The following HMCN2 variants were observed in gnomAD, a reference collection of about 807,000 sequenced individuals.
The protein encoded by HMCN2 is hemicentin 2.
HMCN2 carries 325 observed loss-of-function variants against 377.5 expected under a neutral mutation model. The observed-to-expected ratio is 0.86, with a 90% CI of 0.79 to 0.94. The LOEUF (loss-of-function observed/expected upper bound fraction) is 0.94, where lower values mean the gene tolerates loss of function less well. Ranked by LOEUF, HMCN2 falls within the 40% of genes least tolerant of loss-of-function variation. The pLI, the probability that HMCN2 is intolerant of heterozygous loss-of-function variation, is 0.00. For missense variants in HMCN2, 4,543 were observed against 4,725.3 expected, an observed-to-expected ratio of 0.96 and a Z score of 1.13; for synonymous variants, 2,007 against 2,046.8, an observed-to-expected ratio of 0.98 and a Z score of 0.53.
rs372311313 is a variant in HMCN2 at position 130,299,805 on chromosome 9, AT to A, written c.1276+519del. On this transcript the variant is annotated intron_variant, in intron 8 of 97. Coordinates refer to ENST00000683500, the MANE Select transcript of HMCN2 (RefSeq NM_001291815.2). ...CATTCATCCACTCATCCACCCATCC[AT>A]TCATGCATGCATTGACTCACCTATT... Among the ~76,000 whole-genome samples the A allele has an allele frequency of 2.9e-3, 425 of 147,562 alleles. 4 individuals carry two copies. Among genetic ancestry groups the A allele is most frequent in the African/African-American group, 0.01 (397 of 39,122 alleles).
intron 31 of HMCN2, among the ~76,000 whole-genome samples, chr9:130,354,456 T>C (rs1484033565): frequency 6.6e-6 from 1 of 152,180 alleles, no homozygotes; most frequent in Non-Finnish European, 1.5e-5. Flanking sequence ...CTGGACCTGC[T>C]GTGTATAGGC....
At chr9:130,309,821 C>A (rs77725894) in intron 14 of HMCN2, 91 bp from the exon 15 acceptor site, 4,541 of 352,534 alleles carry the variant, frequency 0.013, 190 homozygotes, top group African/African-American at 0.091. Context: ...CCTTGTGCAG[C>A]CGCAGGAGCC....
intron 15 of HMCN2, among the ~76,000 whole-genome samples, chr9:130,315,890 G>A (rs921464343): frequency 0.021 from 3,211 of 152,158 alleles, 44 homozygotes; most frequent in Middle Eastern, 0.054. Flanking sequence ...CCATGGTAGG[G>A]GCCTCACTCT....
intron 86 of HMCN2, among the ~76,000 whole-genome samples, chr9:130,420,470 A>G (rs1427581048): frequency 6.6e-6 from 1 of 152,116 alleles, no homozygotes; most frequent in African/African-American, 2.4e-5. Context: ...CTACTGGTAA[A>G]AAAACAAAAC....
rs1841250839 is a variant in HMCN2 at position 130,374,200 on chromosome 9, T to G, written c.7439-302T>G. Among the ~76,000 whole-genome samples, 2 of 146,430 alleles carry G rather than the reference T, an allele frequency of 1.4e-5. 1 individual carries two copies. Among genetic ancestry groups the G allele is most frequent in the South Asian group, 4.6e-4 (2 of 4,346 alleles). On this transcript the variant is annotated intron_variant, in intron 48 of 97. Coordinates refer to ENST00000683500, the MANE Select transcript of HMCN2 (RefSeq NM_001291815.2). The stretch of plus-strand genomic sequence containing the variant: ...GTAGGTAGATGAATGGATGGTTGGA[T>G]GGATGGATGGATTGGTGGGTGGTGT...
At position 130,325,985 on chromosome 9, in the gene HMCN2, C is replaced by T. The variant is rs2131417818; in HGVS notation, c.3193+15C>T. The T allele has an allele frequency of 6.6e-6, 1 of 152,450 alleles. No homozygotes were observed. The highest frequency in any genetic ancestry group is 1.9e-4 in the East Asian group (1 of 5,182). 9.4% of individuals were successfully genotyped at this position (152,450 alleles called of 1,614,324 possible). Reference sequence around the variant, plus strand: ...TTCTGTCAACAGTGAGTGATGCCAACCCTGTCCTGGGAGAGGGGGCTCAGT... The same window carrying T: ...TTCTGTCAACAGTGAGTGATGCCAATCCTGTCCTGGGAGAGGGGGCTCAGT... On this transcript the variant is annotated intron_variant, in intron 21 of 97. Transcript: ENST00000683500.
intron 31 of HMCN2, among the ~76,000 whole-genome samples, chr9:130,353,526 A>C (rs1031747212): frequency 1.2e-4 from 18 of 152,176 alleles, no homozygotes; most frequent in African/African-American, 3.9e-4. Context: ...CACCACAATA[A>C]TTAACTGCCC....
chr9:130,424,823 G>A lies in HMCN2; in HGVS notation c.13429G>A (p.Ala4477Thr). 3 of 1,527,156 alleles carry A rather than the reference G, an allele frequency of 2.0e-6. No homozygotes were observed. The highest frequency in any genetic ancestry group is 2.6e-6 in the Non-Finnish European group (3 of 1,133,994). The allele number at this position is 1,527,156 out of a possible 1,614,324, so 94.6% of individuals were successfully genotyped here. The change falls in exon 88 of 98, where the codon GCC (alanine) becomes ACC (threonine). Residue 4477 changes from alanine (A) to threonine (T), a missense_variant. Ala to Thr is a moderately conservative substitution (Grantham distance 58). Around this residue, in one of 5 missense-constraint regions of HMCN2, gnomAD observed 1,155 missense variants for 1,157.7 expected, o/e 1.00. Transcript: ENST00000683500. Reference sequence around the variant, plus strand: ...GGTCACCATCGCCCCCATCTACTGGGCCCTGGCCAGAGAGAGTGGGGAAGC... The same window carrying A: ...GGTCACCATCGCCCCCATCTACTGGACCCTGGCCAGAGAGAGTGGGGAAGC... Reference protein sequence around the residue: ...LVVTIAPIYWALARESGEALN... With the variant: ...LVVTIAPIYWTLARESGEALN...
At position 130,427,583 on chromosome 9, in the gene HMCN2, G is replaced by C; in HGVS notation, c.14029G>C (p.Gly4677Arg). The C allele has an allele frequency of 1.3e-6, 2 of 1,550,498 alleles. No individual in the cohort carries two copies. The highest frequency in any genetic ancestry group is 1.7e-6 in the Non-Finnish European group (2 of 1,146,984). The change falls in exon 92 of 98, where the codon GGC (glycine) becomes CGC (arginine). Residue 4677 changes from glycine to arginine, a missense_variant. Transcript: ENST00000683500. ...CCGCTTCTCCTGCACCTGCCCCACTGGCTTCGCCCTGGCCTGGGATGACAG... is the reference window on the plus strand; with the variant it reads ...CCGCTTCTCCTGCACCTGCCCCACTCGCTTCGCCCTGGCCTGGGATGACAG... Reference protein sequence around the residue: ...PGRFSCTCPTGFALAWDDRNC... With the variant: ...PGRFSCTCPTRFALAWDDRNC...
In HMCN2 at chr9:130,358,564, T is replaced by C. The variant is rs1461857089; in HGVS notation, c.5677+78T>C. ...TGGGGACCCTTGGGGCTGAAGTGTGTGGCGAGGGAGGGGGAGGAGGTTTTT... is the reference window on the plus strand; with the variant it reads ...TGGGGACCCTTGGGGCTGAAGTGTGCGGCGAGGGAGGGGGAGGAGGTTTTT... On this transcript the variant is annotated intron_variant, in intron 36 of 97. Coordinates refer to ENST00000683500, the MANE Select transcript of HMCN2 (RefSeq NM_001291815.2). 5.5e-6 allele frequency: 7 copies of C among 1,265,040 alleles called. No homozygotes were observed. In the Admixed American group the frequency reaches 1.2e-4, roughly 21 times the overall value. 78.4% of individuals were successfully genotyped at this position (1,265,040 alleles called of 1,614,324 possible). A position where few individuals can be genotyped will look rare whatever the true frequency, so the allele number is the denominator to read the frequency against.
intron 4 of HMCN2, among the ~76,000 whole-genome samples, 165 bp from the exon 5 acceptor site, chr9:130,294,690 A>T (rs1487325466): frequency 6.6e-6 from 1 of 152,192 alleles, no homozygotes; most frequent in Non-Finnish European, 1.5e-5. Context: ...CTTGGAGCCT[A>T]TGGAAGCCAG....
At chr9:130,367,873 CAG>C (rs1840778403) in intron 43 of HMCN2, among the ~76,000 whole-genome samples, 1 of 142,454 alleles carries the variant, frequency 7.0e-6, no homozygotes, top group Admixed American at 7.6e-5. Flanking sequence ...ACCCAGGAGG[CAG>C]AGGTTGCAGT....
At chr9:130,289,586 G>A (rs1322311493) in intron 4 of HMCN2, among the ~76,000 whole-genome samples, 3 of 152,118 alleles carry the variant, frequency 2.0e-5, no homozygotes, top group Non-Finnish European at 4.4e-5. Context: ...TTGGGTTAAC[G>A]AGAGCCCCTA....
intron 74 of HMCN2, among the ~76,000 whole-genome samples, chr9:130,398,141 A>G (rs1018541152): frequency 1.5e-5 from 2 of 134,054 alleles, no homozygotes; most frequent in African/African-American, 6.3e-5. Context: ...TGACAGAGTA[A>G]GACTCCGTCT....
rs1236656084 is a variant in HMCN2 at position 130,400,765 on chromosome 9, C to T, written c.11606-18C>T. On this transcript the variant is annotated intron_variant, in intron 76 of 97. Transcript: ENST00000683500. ...CTGTGCCCGCCGGCAGGGCCTCAAG[C>T]CTTGTCTTGGGTTTTAGTGCCTCCC... The T allele has an allele frequency of 7.8e-7, 1 of 1,277,224 alleles. No homozygotes were observed. The highest frequency in any genetic ancestry group is 1.0e-6 in the Non-Finnish European group (1 of 982,136). The allele number at this position is 1,277,224 out of a possible 1,614,324, so 79.1% of individuals were successfully genotyped here.
At chr9:130,335,961 T>C (rs1221806703) in intron 22 of HMCN2, among the ~76,000 whole-genome samples, 1 of 152,206 alleles carries the variant, frequency 6.6e-6, no homozygotes, top group African/African-American at 2.4e-5. Context: ...GGCCTGAGAA[T>C]CAGCATGTTT....
rs1438901296 is a variant in HMCN2 at position 130,361,981 on chromosome 9, G to A, written c.5951-27G>A. 6 of 985,876 alleles carry A rather than the reference G, an allele frequency of 6.1e-6. No individual in the cohort carries two copies. The highest frequency in any genetic ancestry group is 9.4e-5 in the South Asian group (2 of 21,296). 61.1% of individuals were successfully genotyped at this position (985,876 alleles called of 1,614,324 possible). ...GCTTTGCCCCAGTGGGGCTCAGCCT[G>A]TACCCCATGTCACCCCTGCCCTGCA... On this transcript the variant is annotated intron_variant, in intron 38 of 97. Coordinates refer to ENST00000683500, the MANE Select transcript of HMCN2 (RefSeq NM_001291815.2). This position sits in a 1 kb window ranked among gnomAD's most constrained non-coding sequence, Gnocchi z 4.8.
At chr9:130,395,133 G>GGGGGGGGGGGGGGGGGC in intron 70 of HMCN2, 25 bp downstream of exon 70, 6 of 453,566 alleles carry the variant, frequency 1.3e-5, no homozygotes, top group South Asian at 1.7e-5. Context: ...TGGGGTGGGG[G>GGGGGGGGGGGGGGGGGC]CAGGGCCGGG....
rs747596764 is a variant in HMCN2 at position 130,365,926 on chromosome 9, G to A, written c.6556G>A (p.Gly2186Arg). The A allele has an allele frequency of 9.1e-6, 9 of 985,756 alleles. No individual in the cohort carries two copies. Among genetic ancestry groups the A allele is most frequent in the Non-Finnish European group, 9.6e-6 (8 of 829,860 alleles). 61.1% of individuals were successfully genotyped at this position (985,756 alleles called of 1,614,324 possible). ...ATCCCACACCCTGACTGTGAGAGAG[G>A]GGCACCCTACCAGGCTGTCCTGCGA... Reference protein sequence around the residue: ...RESHTLTVREGHPTRLSCECR... With the variant: ...RESHTLTVRERHPTRLSCECR... Residue 2186 changes from glycine (G) to arginine (R), a missense_variant, in exon 43 of 98, where the codon GGG becomes AGG. By Grantham distance (125) the Gly-to-Arg change is moderately radical. Coordinates refer to ENST00000683500, the MANE Select transcript of HMCN2 (RefSeq NM_001291815.2).
Sources: allele counts gnomAD v4.1 joint callset (sites outside exome capture counted in the v4.1 genomes callset), GRCh38; gene constraint gnomAD v4.1.1; regional missense constraint gnomAD v4.1.1; non-coding constraint Gnocchi (gnomAD v3.1); transcripts MANE v1.5; gene names NCBI Gene and HGNC (gene_info 2026-07-23, HGNC 2026-07-21).